The following ICA1 variants were observed in gnomAD, a reference collection of about 807,000 sequenced individuals.
The protein encoded by ICA1 is 69 kDa islet cell autoantigen.
Under a neutral mutation model 71.0 loss-of-function variants are expected in ICA1, and 40 were observed. That is an observed-to-expected ratio of 0.56 (90% confidence interval 0.44 to 0.73). ICA1 has a LOEUF of 0.73. Among genes scored for constraint, ICA1 ranks in the 30% least tolerant of loss-of-function variants. The pLI is 0.00. For synonymous variants in ICA1, 207 were observed against 209.5 expected, an observed-to-expected ratio of 0.99 and a Z score of 0.10; for missense variants, 578 against 576.5, an observed-to-expected ratio of 1.00 and a Z score of -0.03.
Position 8,173,838 on chromosome 7 carries a change from C to T in ICA1, c.580-15186G>A, listed in dbSNP as rs1779622861. 6.6e-6 allele frequency among the ~76,000 whole-genome samples: 1 copy of T among 152,044 alleles called. No homozygotes were observed. On this transcript the variant is annotated intron_variant, in intron 6 of 13. Coordinates refer to ENST00000402384, the MANE Select transcript of ICA1 (RefSeq NM_001136020.3). This position sits in a 1 kb window ranked among gnomAD's most constrained non-coding sequence, Gnocchi z 4.0. The stretch of plus-strand genomic sequence containing the variant: ...GCAATATAATTGAACACCTATAGCT[C>T]TCGGTGCTGGAGATAAGCAGAGAAT...
In ICA1 at chr7:8,123,439, C is replaced by T. The variant is rs1460376499; in HGVS notation, c.1330+4434G>A. 4.6e-5 allele frequency among the ~76,000 whole-genome samples: 7 copies of T among 151,714 alleles called. No individual in the cohort carries two copies. The highest frequency in any genetic ancestry group is 4.6e-4 in the Admixed American group (7 of 15,234). ...GGGGTGAGGGAGCTGGGGACGCGGC[C>T]CAGAGCTTGCACTTCAGTCCTGGTG... On this transcript the variant is annotated intron_variant, in intron 13 of 13. Transcript: ENST00000402384. This position sits in a 1 kb window ranked among gnomAD's most constrained non-coding sequence, Gnocchi z 4.1.
intron 6 of ICA1, among the ~76,000 whole-genome samples, chr7:8,202,079 T>C (rs924453729): frequency 3.3e-4 from 50 of 152,158 alleles, no homozygotes; most frequent in Non-Finnish European, 5.7e-4. Context: ...CAAAAAGAGA[T>C]GATTTAAAAC....
At chr7:8,163,229 T>G (rs1199223925) in intron 6 of ICA1, among the ~76,000 whole-genome samples, 2 of 152,236 alleles carry the variant, frequency 1.3e-5, no homozygotes, top group Non-Finnish European at 2.9e-5. Flanking sequence ...AGCCCCAAAT[T>G]GAACAACGCA....
intron 6 of ICA1, among the ~76,000 whole-genome samples, chr7:8,175,278 T>C (rs564474859): frequency 6.6e-6 from 1 of 152,196 alleles, no homozygotes; most frequent in Non-Finnish European, 1.5e-5. Flanking sequence ...AGAATCTGTA[T>C]GTTTAATGCT....
At chr7:8,213,890 C>G (rs1794615385) in intron 6 of ICA1, among the ~76,000 whole-genome samples, 1 of 152,156 alleles carries the variant, frequency 6.6e-6, no homozygotes, top group South Asian at 2.1e-4. Context: ...GTCTCCAAAA[C>G]CTAACACTAT....
intron 8 of ICA1, among the ~76,000 whole-genome samples, chr7:8,153,204 G>A (rs1446467025): frequency 1.3e-5 from 2 of 152,190 alleles, no homozygotes; most frequent in African/African-American, 4.8e-5. Flanking sequence ...CAGAGGAAAT[G>A]AAGAACAAAG....
In ICA1 at chr7:8,203,418, T is replaced by C. The variant is rs114824540; in HGVS notation, c.579+14887A>G. Among the ~76,000 whole-genome samples the C allele has an allele frequency of 2.8e-3, 424 of 152,286 alleles. 5 individuals carry two copies. Among genetic ancestry groups the C allele is most frequent in the African/African-American group, 9.4e-3 (391 of 41,550 alleles). On this transcript the variant is annotated intron_variant, in intron 6 of 13. Transcript: ENST00000402384. Reference sequence around the variant, plus strand: ...GTCTATCTTCTAAAATAGAGCAAAATTGCCTTTTTTGATGGATCAGTCATC... The same window carrying C: ...GTCTATCTTCTAAAATAGAGCAAAACTGCCTTTTTTGATGGATCAGTCATC...
intron 6 of ICA1, among the ~76,000 whole-genome samples, chr7:8,213,956 C>T (rs1182250093): frequency 6.6e-6 from 1 of 152,162 alleles, no homozygotes; most frequent in Non-Finnish European, 1.5e-5. Context: ...TCCTATAATA[C>T]CTTTTAGCTA....
At chr7:8,169,019 C>G (rs1264267224) in intron 6 of ICA1, among the ~76,000 whole-genome samples, 4 of 152,096 alleles carry the variant, frequency 2.6e-5, no homozygotes, top group African/African-American at 9.7e-5. Flanking sequence ...TTCCTTCCCT[C>G]AAGTCCCAGC....
In ICA1 at chr7:8,232,626, A is replaced by G. The variant is rs1407371089; in HGVS notation, c.147T>C (p.Val49=). 2 of 1,613,164 alleles carry G rather than the reference A, an allele frequency of 1.2e-6. No individual in the cohort carries two copies. The highest frequency in any genetic ancestry group is 1.7e-6 in the Non-Finnish European group (2 of 1,179,588). The change falls in exon 3 of 14, where the codon GTT becomes GTC. Residue 49 remains valine (V), a synonymous_variant. Coordinates refer to ENST00000402384, the MANE Select transcript of ICA1 (RefSeq NM_001136020.3). ...KATGKKEDEH[V]VASDADLDAK... is the part of the protein sequence containing the mutation. ...CATCCAGGTCCGCGTCAGAGGCAAC[A>G]ACATGTTCATCTTCCTTCTTCCCTG...
At chr7:8,170,720 T>A (rs900344340) in intron 6 of ICA1, among the ~76,000 whole-genome samples, 2 of 152,032 alleles carry the variant, frequency 1.3e-5, no homozygotes, top group Non-Finnish European at 2.9e-5. Flanking sequence ...GGAGATTCCT[T>A]AGAATTTTCC....
chr7:8,114,852 A>G (rs1011987009), intron 13 of ICA1: 5 of 152,250 alleles, frequency 3.3e-5, no homozygotes, highest in African/African-American at 1.2e-4. Flanking sequence ...GGCTTGGATG[A>G]CCTGTGTTTT....
At chr7:8,231,804 C>G (rs1800365723) in intron 3 of ICA1, among the ~76,000 whole-genome samples, 1 of 152,220 alleles carries the variant, frequency 6.6e-6, no homozygotes, top group Non-Finnish European at 1.5e-5. Flanking sequence ...TTCCCCTTAA[C>G]CCTCTCTGAT....
chr7:8,167,244 G>A (rs891744107), intron 6 of ICA1, among the ~76,000 whole-genome samples: 4 of 152,280 alleles, frequency 2.6e-5, no homozygotes, highest in Admixed American at 6.5e-5. Context: ...CAGTGGTAGA[G>A]TGGATAAGGA....
intron 13 of ICA1, among the ~76,000 whole-genome samples, chr7:8,122,362 C>T (rs572028831): frequency 5.1e-4 from 77 of 152,352 alleles, no homozygotes; most frequent in Non-Finnish European, 7.9e-4. Context: ...GGTGGAACAA[C>T]TGCAACAACT....
chr7:8,166,370 G>C (rs1480905268), intron 6 of ICA1, among the ~76,000 whole-genome samples: 1 of 152,016 alleles, frequency 6.6e-6, no homozygotes, highest in African/African-American at 2.4e-5. Flanking sequence ...CTTCAACAAA[G>C]TCGACAAAAA....
At chr7:8,125,813 A>G (rs948322314) in intron 13 of ICA1, among the ~76,000 whole-genome samples, 3 of 152,204 alleles carry the variant, frequency 2.0e-5, no homozygotes, top group African/African-American at 7.2e-5. Context: ...TGTTGGCCTG[A>G]GTAACAAATG....
chr7:8,243,185 G>A (rs1210049130), intron 1 of ICA1, among the ~76,000 whole-genome samples: 1 of 152,110 alleles, frequency 6.6e-6, no homozygotes, highest in African/African-American at 2.4e-5. Flanking sequence ...CTGGCAAACG[G>A]AATCCAGCAG....
At position 8,127,916 on chromosome 7, in the gene ICA1, C is replaced by A; in HGVS notation, c.1287G>T (p.Gln429His). 6.2e-7 allele frequency: 1 copy of A among 1,614,230 alleles called. No individual in the cohort carries two copies. Among genetic ancestry groups the A allele is most frequent in the Non-Finnish European group, 8.5e-7 (1 of 1,180,034 alleles). The change falls in exon 13 of 14, where the codon CAG becomes CAT. Residue 429 changes from glutamine to histidine, a missense_variant. By Grantham distance (24) the Gln-to-His change is conservative (BLOSUM62 0). Transcript: ENST00000402384. The part of the protein sequence containing the change: ...AQTGSGFLPS[Q>H]LLDQNMKDLQ... The stretch of plus-strand genomic sequence containing the variant: ...AGTCTTTCATATTTTGGTCTAAAAG[C>A]TGCGAAGGAAGGAAACCTGAGCCTG...
Sources: allele counts gnomAD v4.1 joint callset (sites outside exome capture counted in the v4.1 genomes callset), GRCh38; gene constraint gnomAD v4.1.1; non-coding constraint Gnocchi (gnomAD v3.1); transcripts MANE v1.5; gene names NCBI Gene and HGNC (gene_info 2026-07-23, HGNC 2026-07-21).